Variants in ITGB2 observed in about 807,000 individuals in gnomAD.
ITGB2 encodes integrin beta-2.
Under a neutral mutation model 86.8 loss-of-function variants are expected in ITGB2, and 56 were observed. The ratio of observed to expected loss-of-function variants is 0.65; its 90% CI spans 0.52 to 0.81. The LOEUF (loss-of-function observed/expected upper bound fraction) is 0.81. ITGB2 is among the 30% of genes least tolerant of loss of function. The probability of loss-of-function intolerance (pLI) is 0.00; values close to 1 mark genes in which losing one functional copy is unlikely to be tolerated. For missense variants in ITGB2, 948 were observed against 1,061.2 expected, an observed-to-expected ratio of 0.89 and a Z score of 1.48; for synonymous variants, 457 against 450.4, an observed-to-expected ratio of 1.01 and a Z score of -0.19.
chr21:44,908,197 A>C (rs750487493), intron 3 of ITGB2: 1 of 710,584 alleles, frequency 1.4e-6, no homozygotes, highest in Non-Finnish European at 2.6e-6. Flanking sequence ...GGGACGCAAA[A>C]TTGAGAAATG....
At chr21:44,890,689 G>A (rs2083774326) in intron 11 of ITGB2, among the ~76,000 whole-genome samples, 1 of 152,202 alleles carries the variant, frequency 6.6e-6, no homozygotes, top group Non-Finnish European at 1.5e-5. Flanking sequence ...TTTTACAGAT[G>A]TGGAAGCTGG....
upstream of ITGB2, among the ~76,000 whole-genome samples, chr21:44,922,327 C>T (rs2146571634): frequency 6.6e-6 from 1 of 151,974 alleles, no homozygotes; most frequent in Non-Finnish European, 1.5e-5. Context: ...CAAGAGTCTC[C>T]TTAAGAATAA....
chr21:44,921,212 T>C (rs901831202), upstream of ITGB2: 4 of 152,190 alleles, frequency 2.6e-5, no homozygotes, highest in African/African-American at 4.8e-5. Context: ...AGTGAAAAGT[T>C]TGATGCTGGA....
intron 11 of ITGB2, 80 bp downstream of exon 11, chr21:44,891,729 T>C: frequency 2.0e-6 from 3 of 1,511,000 alleles, no homozygotes; most frequent in East Asian, 2.3e-5. Flanking sequence ...TGGAGCCACC[T>C]GCACCCACCT....
rs552770470 is a variant in ITGB2, at chr21:44,901,906, T to C, written c.500-173A>G. The C allele has an allele frequency of 3.6e-4, 242 of 676,610 alleles. 2 individuals carry two copies. In the South Asian group the frequency reaches 4.5e-3, roughly 13 times the overall value. The allele number at this position is 676,610 out of a possible 1,614,324, so 41.9% of individuals were successfully genotyped here. On this transcript the variant is annotated intron_variant, in intron 5 of 15. Transcript: ENST00000652462. ...AGCATGTGCGTTGTGCAAGCACACATGTGAACGTATGTGGGCGTGTGTGTG... is the reference window on the plus strand; with the variant it reads ...AGCATGTGCGTTGTGCAAGCACACACGTGAACGTATGTGGGCGTGTGTGTG...
intron 5 of ITGB2, among the ~76,000 whole-genome samples, chr21:44,902,068 G>A (rs535791863): frequency 1.3e-5 from 2 of 152,354 alleles, no homozygotes; most frequent in Admixed American, 6.5e-5. Flanking sequence ...CCATCTGCAT[G>A]TGTAAACATG....
intron 1 of ITGB2, among the ~76,000 whole-genome samples, chr21:44,911,630 A>G (rs2084134463): frequency 6.6e-6 from 1 of 152,182 alleles, no homozygotes; most frequent in South Asian, 2.1e-4. Flanking sequence ...AAGTCACCTG[A>G]CTTGCCCAAG....
chr21:44,914,545 C>T (rs371560468), intron 1 of ITGB2, among the ~76,000 whole-genome samples: 6 of 152,192 alleles, frequency 3.9e-5, no homozygotes, highest in East Asian at 1.9e-4. Context: ...ACGAAAGCGG[C>T]GTCAGAAGAG....
intron 1 of ITGB2, chr21:44,927,995 C>T (rs899522253): frequency 3.3e-5 from 5 of 152,278 alleles, no homozygotes; most frequent in African/African-American, 1.2e-4. Context: ...AGCCTCCATC[C>T]CCCTGTGGCC....
chr21:44,900,219 T>C (rs1009237232), intron 7 of ITGB2, 101 bp downstream of exon 7: 31 of 1,475,904 alleles, frequency 2.1e-5, no homozygotes, highest in Non-Finnish European at 2.8e-5. Flanking sequence ...ATCTGCTCCT[T>C]GGGTCAGAAG....
chr21:44,888,995 G>T, intron 13 of ITGB2, 100 bp from the exon 14 acceptor site: 1 of 1,088,634 alleles, frequency 9.2e-7, no homozygotes, highest in South Asian at 1.3e-5. Flanking sequence ...GGGCAGGTGG[G>T]GTTGGGGCGC....
At chr21:44,892,644 A>G (rs1327057611) in intron 10 of ITGB2, among the ~76,000 whole-genome samples, 1 of 150,748 alleles carries the variant, frequency 6.6e-6, no homozygotes, top group Admixed American at 6.6e-5. Flanking sequence ...GGCAACATTT[A>G]CCAAGAAACA....
chr21:44,888,651 G>A (rs377664082), intron 14 of ITGB2, 42 bp downstream of exon 14: 73 of 1,594,228 alleles, frequency 4.6e-5, no homozygotes, highest in African/African-American at 2.8e-4. Flanking sequence ...CCCCGCAGCC[G>A]GAGCTCTGGA....
rs916042751 is a variant in ITGB2 at position 44,907,930 on chromosome 21, G to A, written c.148-835C>T. On this transcript the variant is annotated intron_variant, in intron 3 of 15. Transcript: ENST00000652462. ...TCCAGAAATAAAAGTACATCAGCAA[G>A]TATCCCAGCAAGAGAGAAAAGAAAG... is the stretch of plus-strand genomic sequence containing the variant. 5 of 603,874 alleles carry A rather than the reference G, an allele frequency of 8.3e-6. No individual in the cohort carries two copies. In the African/African-American group the frequency reaches 9.3e-5, roughly 11 times the overall value. 37.4% of individuals were successfully genotyped at this position (603,874 alleles called of 1,614,324 possible). A position where few individuals can be genotyped will look rare whatever the true frequency, so the allele number is the denominator to read the frequency against.
At position 44,890,132 on chromosome 21, in the gene ITGB2, G is replaced by A. The variant is rs2083765627; in HGVS notation, c.1503C>T (p.Asn501=). ...CCAGCCCTGAGCAGATGATGGAGTT[G>A]TTGTCCTTCCGGCAGCTTCCTTCCA... is the stretch of plus-strand genomic sequence containing the variant. The part of the protein sequence containing the change: ...QELEGSCRKD[N]NSIICSGLGD... Residue 501 remains asparagine, a synonymous_variant, in exon 12 of 16, where the codon AAC becomes AAT. Coordinates refer to ENST00000652462, the MANE Select transcript of ITGB2 (RefSeq NM_000211.5). The A allele has an allele frequency of 1.1e-5, 17 of 1,613,386 alleles. No individual in the cohort carries two copies. The highest frequency in any genetic ancestry group is 1.4e-5 in the Non-Finnish European group (16 of 1,180,040).
rs1255921482 is a variant in ITGB2 at position 44,900,494 on chromosome 21, G to A, written c.742-19C>T. The A allele has an allele frequency of 1.2e-5, 20 of 1,612,944 alleles. No homozygotes were observed. Among genetic ancestry groups the A allele is most frequent in the Admixed American group, 1.7e-5 (1 of 59,988 alleles). ...TTTCCTCCTGAGAAGAAGGCGTGGG[G>A]GGCAGGGTTACCTGCCTCAGTTTCC... On this transcript the variant is annotated intron_variant, in intron 6 of 15. Transcript: ENST00000652462.
At chr21:44,908,876 G>T (rs551454325) in intron 3 of ITGB2, among the ~76,000 whole-genome samples, 9 of 152,348 alleles carry the variant, frequency 5.9e-5, no homozygotes, top group African/African-American at 2.2e-4. Flanking sequence ...GTAGAACGGG[G>T]ATGCATGGAC....
chr21:44,902,593 A>G (rs911091167), intron 5 of ITGB2, among the ~76,000 whole-genome samples: 2 of 151,018 alleles, frequency 1.3e-5, no homozygotes, highest in South Asian at 4.2e-4. Context: ...GTGTGTGAGC[A>G]TGCATTCGCG....
At position 44,888,748 on chromosome 21, in the gene ITGB2, C is replaced by A. The variant is rs369283897; in HGVS notation, c.2025G>T (p.Thr675=). The A allele has an allele frequency of 6.2e-6, 10 of 1,611,682 alleles. No individual in the cohort carries two copies. Among genetic ancestry groups the A allele is most frequent in the Middle Eastern group, 1.7e-4 (1 of 6,060 alleles). The stretch of plus-strand genomic sequence containing the variant: ...GGTCCATCCCGTCCTGCTGCTCCAG[C>A]GTGTAGGCCACCCAGCAGCCCTCTG... ...RDSEGCWVAY[T]LEQQDGMDRY... Residue 675 remains threonine (T), a synonymous_variant, in exon 14 of 16, where the codon ACG becomes ACT. Transcript: ENST00000652462.
Sources: allele counts gnomAD v4.1 joint callset (sites outside exome capture counted in the v4.1 genomes callset), GRCh38; gene constraint gnomAD v4.1.1; transcripts MANE v1.5; gene names NCBI Gene and HGNC (gene_info 2026-07-23, HGNC 2026-07-21).